The following PHACTR1 variants were observed in gnomAD, a reference collection of about 807,000 sequenced individuals.
PHACTR1 encodes the protein phosphatase and actin regulator 1, also known as RPEL repeat containing 1.
Under a neutral mutation model 69.2 loss-of-function variants are expected in PHACTR1, and 16 were observed. The observed-to-expected ratio is 0.23, with a 90% confidence interval of 0.16 to 0.35. The LOEUF (loss-of-function observed/expected upper bound fraction) is 0.35, where lower values mean the gene tolerates loss of function less well. PHACTR1 is among the 10% of genes least tolerant of loss of function. The pLI, the probability that PHACTR1 is intolerant of heterozygous loss-of-function variation, is 1.00. For synonymous variants in PHACTR1, 312 were observed against 284.5 expected (o/e 1.10, Z -0.97); for missense variants, 510 against 734.7 (o/e 0.69, Z 3.54).
At chr6:12,760,959 C>T (rs145936559) in intron 4 of PHACTR1, among the ~76,000 whole-genome samples, 6 of 152,190 alleles carry the variant, frequency 3.9e-5, no homozygotes, top group Middle Eastern at 3.4e-3. Context: ...ACAACAGAAT[C>T]GTAGCTTTCT....
chr6:12,797,040 T>TGTGTGTGAGAGA (rs563796658), intron 4 of PHACTR1, among the ~76,000 whole-genome samples: 7 of 133,396 alleles, frequency 5.2e-5, no homozygotes, highest in Admixed American at 2.3e-4. Context: ...TGTGTGTGTG[T>TGTGTGTGAGAGA]GAGAGAGAGA....
intron 4 of PHACTR1, among the ~76,000 whole-genome samples, chr6:13,038,635 A>C (rs1196205732): frequency 6.6e-6 from 1 of 152,200 alleles, no homozygotes; most frequent in Non-Finnish European, 1.5e-5. Context: ...CAAACTATAG[A>C]GTTTGTATAA....
chr6:12,779,098 G>C (rs942083700), intron 4 of PHACTR1, among the ~76,000 whole-genome samples: 5 of 152,192 alleles, frequency 3.3e-5, no homozygotes, highest in African/African-American at 9.7e-5. Context: ...CACTTTGAGA[G>C]GCCGAGGCTG....
chr6:12,928,791 G>A (rs77487595), intron 4 of PHACTR1, among the ~76,000 whole-genome samples: 4,186 of 152,202 alleles, frequency 0.028, 182 homozygotes, highest in African/African-American at 0.095. Flanking sequence ...ATTCAATAGA[G>A]GGTGTTTGAG....
chr6:12,984,512 G>C (rs891220922), intron 4 of PHACTR1, among the ~76,000 whole-genome samples: 1 of 152,206 alleles, frequency 6.6e-6, no homozygotes, highest in Admixed American at 6.5e-5. Context: ...AACATGCCAC[G>C]TCAGGGCTGG....
chr6:12,886,918 A>G (rs993935610), intron 4 of PHACTR1, among the ~76,000 whole-genome samples: 2 of 152,162 alleles, frequency 1.3e-5, no homozygotes, highest in African/African-American at 4.8e-5. Flanking sequence ...ATGAAGCAAA[A>G]AAGTTTGATT....
At chr6:12,929,967 T>C (rs1256417208) in intron 4 of PHACTR1, among the ~76,000 whole-genome samples, 2 of 152,220 alleles carry the variant, frequency 1.3e-5, no homozygotes, top group African/African-American at 2.4e-5. Context: ...ACCACTTTTT[T>C]TAAAAATAAA....
At chr6:12,928,070 T>G (rs1169957881) in intron 4 of PHACTR1, among the ~76,000 whole-genome samples, 1 of 140,758 alleles carries the variant, frequency 7.1e-6, no homozygotes, top group Admixed American at 6.6e-5. Context: ...GGAGCCCCTC[T>G]GTCGACTCAG....
intron 10 of PHACTR1, among the ~76,000 whole-genome samples, chr6:13,237,949 G>T (rs939898896): frequency 1.3e-5 from 2 of 152,250 alleles, no homozygotes; most frequent in African/African-American, 2.4e-5. Flanking sequence ...CCCATATGCA[G>T]TCCGTTACCC....
At position 13,167,349 on chromosome 6, in the gene PHACTR1, T is replaced by C. The variant is rs183181292; in HGVS notation, c.496+7065T>C. On this transcript the variant is annotated intron_variant, in intron 6 of 14. Coordinates refer to ENST00000332995, the MANE Select transcript of PHACTR1 (RefSeq NM_030948.6). ...CTATGAAGCCTCAATTCTACCACAG[T>C]GTCACTCACTTTGTATGGTATGGGT... is the stretch of plus-strand genomic sequence containing the variant. Among the ~76,000 whole-genome samples the C allele has an allele frequency of 1.1e-3, 170 of 152,356 alleles. 1 individual carries two copies. The Middle Eastern group carries it at 0.02, about 18-fold the overall frequency.
intron 4 of PHACTR1, among the ~76,000 whole-genome samples, chr6:12,996,129 T>G (rs1182613956): frequency 1.3e-5 from 2 of 152,060 alleles, no homozygotes; most frequent in African/African-American, 4.8e-5. Flanking sequence ...AGATAATATT[T>G]AAAGTGAATT....
At chr6:12,900,128 CTTGCT>C (rs1471386866) in intron 4 of PHACTR1, among the ~76,000 whole-genome samples, 1 of 152,234 alleles carries the variant, frequency 6.6e-6, no homozygotes, top group African/African-American at 2.4e-5. Context: ...TTCTGGTCTC[CTTGCT>C]TCACTTCTTC....
intron 10 of PHACTR1, among the ~76,000 whole-genome samples, chr6:13,255,962 G>A (rs892390731): frequency 1.3e-5 from 2 of 152,190 alleles, no homozygotes; most frequent in Non-Finnish European, 2.9e-5. Flanking sequence ...CTGTGGGGGG[G>A]GCTCCAACCC....
intron 5 of PHACTR1, among the ~76,000 whole-genome samples, chr6:13,119,603 G>A (rs1442911949): frequency 6.6e-6 from 1 of 152,178 alleles, no homozygotes; most frequent in African/African-American, 2.4e-5. Context: ...TCACGTCCCA[G>A]GTTTGTTGCT....
intron 4 of PHACTR1, among the ~76,000 whole-genome samples, chr6:12,798,039 G>GACACACACACACACAC (rs10529531): frequency 0.22 from 30,518 of 137,548 alleles, 3,799 homozygotes; most frequent in Middle Eastern, 0.3. Context: ...TCATTTCCTA[G>GACACACACACACACAC]ACACACACAC....
intron 4 of PHACTR1, among the ~76,000 whole-genome samples, chr6:12,841,731 T>C (rs1328170760): frequency 1.3e-5 from 2 of 152,190 alleles, no homozygotes; most frequent in African/African-American, 4.8e-5. Flanking sequence ...ATTTAAACAA[T>C]TGAAAGAGTT....
chr6:13,057,334 A>G (rs773204576), intron 5 of PHACTR1, among the ~76,000 whole-genome samples: 51 of 152,358 alleles, frequency 3.3e-4, no homozygotes, highest in Admixed American at 1.0e-3. Flanking sequence ...AGCTTGGTTA[A>G]TGAGAAAATC....
chr6:12,861,011 A>G (rs1438020278), intron 4 of PHACTR1, among the ~76,000 whole-genome samples: 1 of 152,206 alleles, frequency 6.6e-6, no homozygotes, highest in Non-Finnish European at 1.5e-5. Flanking sequence ...TGGTCCATAG[A>G]CAGTGCCATC....
At chr6:13,091,630 A>C (rs1295802594) in intron 5 of PHACTR1, among the ~76,000 whole-genome samples, 1 of 152,120 alleles carries the variant, frequency 6.6e-6, no homozygotes, top group African/African-American at 2.4e-5. Context: ...TAATGAAATA[A>C]TTATACAACT....
Sources: allele counts gnomAD v4.1 joint callset (sites outside exome capture counted in the v4.1 genomes callset), GRCh38; gene constraint gnomAD v4.1.1; transcripts MANE v1.5; gene names NCBI Gene and HGNC (gene_info 2026-07-23, HGNC 2026-07-21).